The following ARID5B variants were observed in gnomAD, a reference collection of about 807,000 sequenced individuals.
ARID5B encodes the protein AT-rich interactive domain-containing protein 5B.
Under a neutral mutation model 97.2 loss-of-function variants are expected in ARID5B, and 13 were observed. The observed-to-expected ratio is 0.13, with a 90% CI of 0.09 to 0.21. The LOEUF is 0.21. ARID5B is among the 10% of genes least tolerant of loss of function. The probability of loss-of-function intolerance (pLI) is 1.00; values close to 1 mark genes in which losing one functional copy is unlikely to be tolerated. For missense variants in ARID5B, 1,210 were observed against 1,465.3 expected, an observed-to-expected ratio of 0.83 and a Z score of 2.84; for synonymous variants, 556 against 570.3, an observed-to-expected ratio of 0.97 and a Z score of 0.36.
At chr10:62,016,063 G>T (rs182605723) in intron 4 of ARID5B, among the ~76,000 whole-genome samples, 65 of 152,320 alleles carry the variant, frequency 4.3e-4, no homozygotes, top group Admixed American at 1.6e-3. Flanking sequence ...TGCGGCTAAG[G>T]TTCCATCACT....
intron 3 of ARID5B, among the ~76,000 whole-genome samples, chr10:61,957,975 A>T (rs1838415423): frequency 6.6e-6 from 1 of 152,190 alleles, no homozygotes; most frequent in South Asian, 2.1e-4. Context: ...ACTGCCCTCA[A>T]CTACGGCCTT....
intron 2 of ARID5B, among the ~76,000 whole-genome samples, chr10:61,905,907 G>A (rs1258895324): frequency 6.6e-6 from 1 of 152,128 alleles, no homozygotes; most frequent in African/African-American, 2.4e-5. Flanking sequence ...TGATTTATAT[G>A]CTTATATACA....
chr10:61,903,765 C>A (rs1409170948), intron 2 of ARID5B, among the ~76,000 whole-genome samples: 1 of 152,164 alleles, frequency 6.6e-6, no homozygotes, highest in Admixed American at 6.5e-5. Flanking sequence ...TGCTAGTTCA[C>A]TCCCTCTCCC....
At chr10:61,909,236 C>A (rs74156277) in intron 2 of ARID5B, among the ~76,000 whole-genome samples, 311 of 152,052 alleles carry the variant, frequency 2.0e-3, no homozygotes, top group African/African-American at 7.0e-3. Flanking sequence ...ATGCTCCCCC[C>A]ACCATAGTGC....
intron 4 of ARID5B, among the ~76,000 whole-genome samples, chr10:62,033,266 GTCTC>G (rs367720873): frequency 3.3e-5 from 5 of 151,252 alleles, no homozygotes; most frequent in Non-Finnish European, 5.9e-5. Context: ...ACTTGGCATA[GTCTC>G]TCTCTCTCTC....
intron 2 of ARID5B, among the ~76,000 whole-genome samples, chr10:61,917,378 G>C (rs1231287411): frequency 1.3e-5 from 2 of 152,042 alleles, no homozygotes; most frequent in Non-Finnish European, 2.9e-5. Flanking sequence ...CCAGGCTGGA[G>C]TGCAGTGATG....
At position 61,961,000 on chromosome 10, in the gene ARID5B, A is replaced by T. The variant is rs1453905491; in HGVS notation, c.502+20592A>T. Reference sequence around the variant, plus strand: ...GGGATACTGTAGGATTTAATAACATATAGAATCCCAGGTGCTTATGGACAT... The same window carrying T: ...GGGATACTGTAGGATTTAATAACATTTAGAATCCCAGGTGCTTATGGACAT... On this transcript the variant is annotated intron_variant, in intron 3 of 9. Coordinates refer to ENST00000279873, the MANE Select transcript of ARID5B (RefSeq NM_032199.3). Among the ~76,000 whole-genome samples, 14 of 152,356 alleles carry T rather than the reference A, an allele frequency of 9.2e-5. No homozygotes were observed. The East Asian group carries it at 2.7e-3, about 29-fold the overall frequency.
intron 3 of ARID5B, among the ~76,000 whole-genome samples, chr10:61,979,709 A>G (rs926124446): frequency 6.6e-6 from 1 of 152,216 alleles, no homozygotes; most frequent in African/African-American, 2.4e-5. Context: ...AACCACAGTG[A>G]TTAGGGCCCA....
At chr10:61,943,788 A>T (rs1443462113) in intron 3 of ARID5B, among the ~76,000 whole-genome samples, 1 of 151,974 alleles carries the variant, frequency 6.6e-6, no homozygotes, top group African/African-American at 2.4e-5. Context: ...TCTGCCAACA[A>T]ATTAATACTC....
intron 3 of ARID5B, among the ~76,000 whole-genome samples, chr10:61,999,824 C>T (rs188231528): frequency 6.6e-6 from 1 of 152,130 alleles, no homozygotes; most frequent in African/African-American, 2.4e-5. Flanking sequence ...TTGCTGATGA[C>T]ACAAACATTA....
chr10:61,924,491 G>A (rs376581967), intron 2 of ARID5B, among the ~76,000 whole-genome samples: 3 of 152,254 alleles, frequency 2.0e-5, no homozygotes, highest in Admixed American at 1.3e-4. Flanking sequence ...ATCCAATATA[G>A]GATAATTACA....
At chr10:61,932,274 G>C (rs1211666187) in intron 2 of ARID5B, among the ~76,000 whole-genome samples, 7 of 152,134 alleles carry the variant, frequency 4.6e-5, no homozygotes, top group Non-Finnish European at 1.0e-4. Context: ...AAGATCATCT[G>C]AGTCTTCCGC....
At chr10:61,988,575 A>G (rs1338124923) in intron 3 of ARID5B, among the ~76,000 whole-genome samples, 1 of 152,200 alleles carries the variant, frequency 6.6e-6, no homozygotes, top group Non-Finnish European at 1.5e-5. Flanking sequence ...AGAACAATGA[A>G]ATAACAGGCA....
intron 9 of ARID5B, among the ~76,000 whole-genome samples, chr10:62,086,709 A>AAAAAAC (rs778821864): frequency 0.077 from 8,799 of 113,654 alleles, 1,204 homozygotes; most frequent in East Asian, 0.17. Context: ...AAAAAAAAAA[A>AAAAAAC]AAATATCAGG....
chr10:61,993,966 T>C (rs889188129), intron 3 of ARID5B, among the ~76,000 whole-genome samples: 1 of 152,122 alleles, frequency 6.6e-6, no homozygotes, highest in Non-Finnish European at 1.5e-5. Flanking sequence ...AGCACATTCA[T>C]ATTTCCTTTA....
chr10:62,041,216 G>C (rs139436393), intron 4 of ARID5B, among the ~76,000 whole-genome samples: 2 of 152,294 alleles, frequency 1.3e-5, no homozygotes, highest in African/African-American at 4.8e-5. Flanking sequence ...GAGTTTGCAT[G>C]AGGTTCTTGG....
At chr10:61,967,803 A>G (rs1838566735) in intron 3 of ARID5B, among the ~76,000 whole-genome samples, 1 of 152,166 alleles carries the variant, frequency 6.6e-6, no homozygotes, top group African/African-American at 2.4e-5. Context: ...TAATGCTGGC[A>G]TTTTATTTCA....
At chr10:61,938,387 T>C (rs1314554820) in intron 2 of ARID5B, among the ~76,000 whole-genome samples, 8 of 152,192 alleles carry the variant, frequency 5.3e-5, no homozygotes, top group Non-Finnish European at 1.0e-4. Context: ...AATTCTCTCT[T>C]TACTAATGTT....
intron 8 of ARID5B, among the ~76,000 whole-genome samples, chr10:62,070,937 A>G (rs757934322): frequency 6.6e-6 from 1 of 152,018 alleles, no homozygotes; most frequent in Non-Finnish European, 1.5e-5. Flanking sequence ...AGTACAAAGT[A>G]GCACTGATAT....
Sources: allele counts gnomAD v4.1 joint callset (sites outside exome capture counted in the v4.1 genomes callset), GRCh38; gene constraint gnomAD v4.1.1; transcripts MANE v1.5; gene names NCBI Gene and HGNC (gene_info 2026-07-23, HGNC 2026-07-21).